The following PRDM11 variants were observed in gnomAD, a reference collection of about 807,000 sequenced individuals.
The protein encoded by PRDM11 is PR/SET domain 11, also known as PR domain-containing protein 11.
In PRDM11, 20 loss-of-function variants were observed where a neutral mutation model predicts 97.8. The observed-to-expected ratio is 0.20, with a 90% CI of 0.14 to 0.30. The LOEUF (loss-of-function observed/expected upper bound fraction) is 0.30. Among genes scored for constraint, PRDM11 ranks in the 10% least tolerant of loss-of-function variants. PRDM11 has a pLI of 1.00. For synonymous variants in PRDM11, 599 were observed against 637.7 expected (o/e 0.94, Z 0.91); for missense variants, 1,139 against 1,555.2 (o/e 0.73, Z 4.50).
chr11:45,224,243 T>A lies in PRDM11; in HGVS notation c.769T>A (p.Ser257Thr), dbSNP rs143239188. ...RGEKRLQREKSEQVLDNPEDL... is the reference protein window; with the variant it reads ...RGEKRLQREKTEQVLDNPEDL... The stretch of plus-strand genomic sequence containing the variant: ...AGAGAAGAGGTTGCAGAGGGAGAAG[T>A]CTGAGCAGGTTCTGGATAACCCAGA... Residue 257 changes from serine to threonine, a missense_variant, in exon 7 of 8, where the codon TCT becomes ACT. Physicochemically the swap from Ser to Thr is moderately conservative, Grantham distance 58. Transcript: ENST00000683152. 3 of 1,603,796 alleles carry A rather than the reference T, an allele frequency of 1.9e-6. No individual in the cohort carries two copies. The African/African-American group carries it at 4.0e-5, about 22-fold the overall frequency.
At chr11:45,189,938 A>G (rs889152107) in intron 4 of PRDM11, among the ~76,000 whole-genome samples, 2 of 152,180 alleles carry the variant, frequency 1.3e-5, no homozygotes. Context: ...GTGTGTGAGC[A>G]TGCACGAGCA....
chr11:45,209,246 C>T (rs1292905239), intron 5 of PRDM11: 7 of 393,570 alleles, frequency 1.8e-5, no homozygotes, highest in African/African-American at 4.1e-5. Flanking sequence ...GTGCAGGGCG[C>T]GGCTTCCCCA....
intron 1 of PRDM11, among the ~76,000 whole-genome samples, chr11:45,130,411 C>CT (rs1354103961): frequency 2.6e-5 from 4 of 152,118 alleles, no homozygotes; most frequent in Admixed American, 6.6e-5. Flanking sequence ...AACTTAAGCA[C>CT]TTCACAAGAA....
intron 1 of PRDM11, among the ~76,000 whole-genome samples, chr11:45,098,820 C>A (rs541597235): frequency 2.1e-4 from 32 of 152,210 alleles, no homozygotes; most frequent in Admixed American, 9.8e-4. Context: ...AAGGGCCACA[C>A]AGAGGATGTG....
chr11:45,183,185 G>A, intron 4 of PRDM11, 62 bp downstream of exon 4: 3 of 1,548,072 alleles, frequency 1.9e-6, no homozygotes, highest in African/African-American at 1.4e-5. Context: ...GAAACCACCA[G>A]GGGGAGCCAT....
rs561626888 is a variant in PRDM11, at chr11:45,196,005, C to T, written c.487-8706C>T. Among the ~76,000 whole-genome samples, 15 of 152,230 alleles carry T rather than the reference C, an allele frequency of 9.9e-5. No individual in the cohort carries two copies. In the East Asian group the frequency reaches 1.3e-3, roughly 14 times the overall value. ...AAACATTTGTGTACAAGTTTCCATGCGGACACGTGTTTTTATTTCTTTCGG... is the reference window on the plus strand; with the variant it reads ...AAACATTTGTGTACAAGTTTCCATGTGGACACGTGTTTTTATTTCTTTCGG... On this transcript the variant is annotated intron_variant, in intron 4 of 7. Coordinates refer to ENST00000683152, the MANE Select transcript of PRDM11 (RefSeq NM_001384648.1).
chr11:45,201,845 C>T (rs1035432545), intron 4 of PRDM11, among the ~76,000 whole-genome samples: 1 of 152,062 alleles, frequency 6.6e-6, no homozygotes, highest in African/African-American at 2.4e-5. Flanking sequence ...TGGTGGCAGG[C>T]ACCCATAGTC....
rs1270101543 is a variant in PRDM11, at chr11:45,146,659, G to C, written c.-225G>C. ...TCCATGTCATTTCCTGTACTAATAA[G>C]ATGGTGGTCAAAGCAGGGGAGGAGA... On this transcript the variant is annotated 5_prime_UTR_variant, in exon 1 of 8. Transcript: ENST00000683152. 2 of 152,098 alleles carry C rather than the reference G, an allele frequency of 1.3e-5. No homozygotes were observed. The highest frequency in any genetic ancestry group is 2.4e-5 in the African/African-American group (1 of 41,440). The allele number at this position is 152,098 out of a possible 1,614,324, so 9.4% of individuals were successfully genotyped here.
intron 1 of PRDM11, among the ~76,000 whole-genome samples, chr11:45,113,836 T>G (rs1464295156): frequency 6.7e-6 from 1 of 150,270 alleles, no homozygotes; most frequent in Non-Finnish European, 1.5e-5. Context: ...TTTGTTTTTT[T>G]TTTTTTTTAC....
chr11:45,181,644 A>C, intron 1 of PRDM11, 117 bp from the exon 2 acceptor site: 1 of 745,180 alleles, frequency 1.3e-6, no homozygotes. Flanking sequence ...TCCTCTGGGG[A>C]TGGCAGGGAG....
intron 1 of PRDM11, among the ~76,000 whole-genome samples, chr11:45,158,491 C>T (rs1308712032): frequency 6.6e-6 from 1 of 152,244 alleles, no homozygotes; most frequent in Admixed American, 6.5e-5. Context: ...AGGCATTCTT[C>T]TCTGTCCAGG....
intron 1 of PRDM11, among the ~76,000 whole-genome samples, chr11:45,176,236 G>C (rs1053987510): frequency 1.3e-5 from 2 of 152,054 alleles, no homozygotes; most frequent in Admixed American, 1.3e-4. Flanking sequence ...AATTAGGCAG[G>C]TGTGGTGGCA....
chr11:45,198,191 C>T (rs1853200322), intron 4 of PRDM11, among the ~76,000 whole-genome samples: 1 of 152,142 alleles, frequency 6.6e-6, no homozygotes, highest in Non-Finnish European at 1.5e-5. Flanking sequence ...AAGGGATGCC[C>T]CCTTTCCCAG....
intron 1 of PRDM11, among the ~76,000 whole-genome samples, chr11:45,166,699 A>G (rs55810739): frequency 1.3e-5 from 2 of 152,378 alleles, no homozygotes; most frequent in Non-Finnish European, 2.9e-5. Flanking sequence ...ATAATGCTTC[A>G]CAGAGTATGT....
chr11:45,099,824 T>C (rs140981130), intron 1 of PRDM11, among the ~76,000 whole-genome samples: 1 of 152,360 alleles, frequency 6.6e-6, no homozygotes, highest in Admixed American at 6.5e-5. Flanking sequence ...CTTTCTAGCT[T>C]AGACTGCCAA....
chr11:45,094,844 A>T (rs1565214649), upstream of PRDM11, among the ~76,000 whole-genome samples: 1 of 131,182 alleles, frequency 7.6e-6, no homozygotes, highest in Non-Finnish European at 1.6e-5. Context: ...GAAGGAGGGA[A>T]GGAAGGGAGG....
At chr11:45,208,738 G>C in intron 5 of PRDM11, 1 of 354,054 alleles carries the variant, frequency 2.8e-6, no homozygotes, top group Non-Finnish European at 5.6e-6. Flanking sequence ...CCTCTCAGTA[G>C]GAGGAGGGTG....
At position 45,194,482 on chromosome 11, in the gene PRDM11, A is replaced by C. The variant is rs1324003364; in HGVS notation, c.487-10229A>C. Among the ~76,000 whole-genome samples the C allele has an allele frequency of 2.0e-5, 3 of 152,036 alleles. No individual in the cohort carries two copies. The South Asian group carries it at 6.3e-4, about 32-fold the overall frequency. ...CCTCCAAAGATGCTAGTTAGGGTTGATGAACAACAATAACAACAATAATAG... is the reference window on the plus strand; with the variant it reads ...CCTCCAAAGATGCTAGTTAGGGTTGCTGAACAACAATAACAACAATAATAG... On this transcript the variant is annotated intron_variant, in intron 4 of 7. Coordinates refer to ENST00000683152, the MANE Select transcript of PRDM11 (RefSeq NM_001384648.1).
At chr11:45,095,367 C>A (rs561359220), upstream of PRDM11, among the ~76,000 whole-genome samples, 25 of 152,306 alleles carry the variant, frequency 1.6e-4, no homozygotes, top group African/African-American at 5.8e-4. Flanking sequence ...CCCCAGGCAT[C>A]CCCTGACATT....
Sources: gnomAD v4.1 joint callset for allele counts (sites outside exome capture counted in the v4.1 genomes callset) on GRCh38, gnomAD v4.1.1 for gene constraint, MANE v1.5 for transcripts, NCBI Gene and HGNC (gene_info 2026-07-23, HGNC 2026-07-21) for gene names.